Variants in NECTIN4 observed in about 807,000 individuals in gnomAD.
The protein encoded by NECTIN4 is nectin-4.
A neutral mutation model predicts 51.7 loss-of-function variants in NECTIN4; 19 were observed. That is an observed-to-expected ratio of 0.37 (90% CI 0.26 to 0.54). The LOEUF (loss-of-function observed/expected upper bound fraction) is 0.54, where lower values mean the gene tolerates loss of function less well. Ranked by LOEUF, NECTIN4 falls within the 20% of genes least tolerant of loss-of-function variation. The probability of loss-of-function intolerance (pLI) is 0.86; values close to 1 mark genes in which losing one functional copy is unlikely to be tolerated. For missense variants in NECTIN4, 619 were observed against 662.4 expected, an observed-to-expected ratio of 0.93 and a Z score of 0.72; for synonymous variants, 283 against 286.9, an observed-to-expected ratio of 0.99 and a Z score of 0.14.
At position 161,072,837 on chromosome 1, in the gene NECTIN4, C is replaced by T; in HGVS notation, c.1357G>A (p.Glu453Lys). The T allele has an allele frequency of 6.2e-7, 1 of 1,614,204 alleles. No individual in the cohort carries two copies. The highest frequency in any genetic ancestry group is 8.5e-7 in the Non-Finnish European group (1 of 1,180,036). The change falls in exon 9 of 9, where the codon GAG becomes AAG. Residue 453 changes from glutamate to lysine, a missense_variant. Glu to Lys is a moderately conservative substitution (Grantham distance 56). Around this residue, in one of 3 missense-constraint regions of NECTIN4, gnomAD observed 364 missense variants for 415.7 expected, o/e 0.88. Coordinates refer to ENST00000368012, the MANE Select transcript of NECTIN4 (RefSeq NM_030916.3). The part of the protein sequence containing the change: ...RSYSTLTTVR[E>K]IETQTELLSP... Reference sequence around the variant, plus strand: ...AGCAGTTCAGTCTGTGTTTCTATCTCCCTCACCGTGGTCAGCGTGGAGTAA... The same window carrying T: ...AGCAGTTCAGTCTGTGTTTCTATCTTCCTCACCGTGGTCAGCGTGGAGTAA...
At position 161,089,160 on chromosome 1, in the gene NECTIN4, G is replaced by T; in HGVS notation, c.79+58C>A. 1 of 1,466,100 alleles carries T rather than the reference G, an allele frequency of 6.8e-7. No individual in the cohort carries two copies. The highest frequency in any genetic ancestry group is 9.6e-7 in the Non-Finnish European group (1 of 1,046,914). The allele number at this position is 1,466,100 out of a possible 1,614,324, so 90.8% of individuals were successfully genotyped here. A position where few individuals can be genotyped will look rare whatever the true frequency, so the allele number is the denominator to read the frequency against. On this transcript the variant is annotated intron_variant, in intron 1 of 8. Transcript: ENST00000368012. The surrounding 1 kb of genome is among the most constrained non-coding windows in gnomAD (Gnocchi z 4.1). ...TGTGTGTCTATGTGTTTGTGCATGT[G>T]TGTCAGTGCCAGGTTGGGCTCAGAA... is the stretch of plus-strand genomic sequence containing the variant.
At chr1:161,076,012 G>C (rs1274445392) in intron 4 of NECTIN4, among the ~76,000 whole-genome samples, 1 of 152,064 alleles carries the variant, frequency 6.6e-6, no homozygotes, top group Non-Finnish European at 1.5e-5. Flanking sequence ...GGAGGCGGAG[G>C]TTTCAGTGAG....
At chr1:161,074,539 G>A (rs1160402354) in intron 5 of NECTIN4, 72 bp downstream of exon 5, 1 of 1,594,094 alleles carries the variant, frequency 6.3e-7, no homozygotes, top group Non-Finnish European at 8.6e-7. Context: ...CACTGTCTCT[G>A]TCTTGCTTCC....
At chr1:161,074,019 T>C (rs1047150443) in intron 6 of NECTIN4, among the ~76,000 whole-genome samples, 198 bp downstream of exon 6, 4 of 152,148 alleles carry the variant, frequency 2.6e-5, no homozygotes, top group Non-Finnish European at 4.4e-5. Flanking sequence ...TGAGCCTCAC[T>C]AAGGTGGAAG....
intron 5 of NECTIN4, 32 bp downstream of exon 5, chr1:161,074,579 T>C (rs1653326466): frequency 1.2e-6 from 2 of 1,613,838 alleles, no homozygotes; most frequent in Non-Finnish European, 1.7e-6. Context: ...TTGGCCCAGG[T>C]CCTTACCAAG....
rs764309804 is a variant in NECTIN4 at position 161,089,367 on chromosome 1, G to C, written c.-71C>G. The C allele has an allele frequency of 2.1e-5, 30 of 1,430,052 alleles. No homozygotes were observed. Among genetic ancestry groups the C allele is most frequent in the Non-Finnish European group, 2.9e-5 (30 of 1,027,924 alleles). 88.6% of individuals were successfully genotyped at this position (1,430,052 alleles called of 1,614,324 possible). A position where few individuals can be genotyped will look rare whatever the true frequency, so the allele number is the denominator to read the frequency against. Reference sequence around the variant, plus strand: ...CTCCCTGGGAGCCGGCTGCAGACTTGAATAAGGAACTGACCCAGAAGGCAG... The same window carrying C: ...CTCCCTGGGAGCCGGCTGCAGACTTCAATAAGGAACTGACCCAGAAGGCAG... On this transcript the variant is annotated 5_prime_UTR_variant, in exon 1 of 9. Transcript: ENST00000368012. The surrounding 1 kb of genome is among the most constrained non-coding windows in gnomAD (Gnocchi z 4.1).
In NECTIN4 at chr1:161,079,836, C is replaced by T; in HGVS notation, c.193G>A (p.Val65Met). The change falls in exon 2 of 9, where the codon GTG becomes ATG. Residue 65 changes from valine (V) to methionine (M), a missense_variant. Val to Met is a conservative substitution (Grantham distance 21, BLOSUM62 1). Around this residue, in one of 3 missense-constraint regions of NECTIN4, gnomAD observed 218 missense variants for 186.3 expected, o/e 1.17. Transcript: ENST00000368012. ...CCCGCGTCCACCCGAGCCCATGCCACTTGCCCCACTTGCTCGCCGGAGTCC... is the reference window on the plus strand; with the variant it reads ...CCCGCGTCCACCCGAGCCCATGCCATTTGCCCCACTTGCTCGCCGGAGTCC... ...RGDSGEQVGQ[V>M]AWARVDAGEG... is the part of the protein sequence containing the mutation. The T allele has an allele frequency of 1.2e-6, 2 of 1,613,904 alleles. No homozygotes were observed. Among genetic ancestry groups the T allele is most frequent in the African/African-American group, 1.3e-5 (1 of 75,076 alleles).
In NECTIN4 at chr1:161,074,738, A is replaced by T; in HGVS notation, c.873T>A (p.Ser291Arg). 1 of 1,613,856 alleles carries T rather than the reference A, an allele frequency of 6.2e-7. No individual in the cohort carries two copies. The highest frequency in any genetic ancestry group is 1.3e-5 in the African/African-American group (1 of 75,042). Reference protein sequence around the residue: ...NWTRLDGPLPSGVRVDGDTLG... With the variant: ...NWTRLDGPLPRGVRVDGDTLG... ...AAGTGTCCCCATCCACTCGTACCCC[A>T]CTGGGCAGAGGCCCATCCAGCCTGG... Residue 291 changes from serine to arginine, a missense_variant, in exon 5 of 9, where the codon AGT becomes AGA. By Grantham distance (110) the Ser-to-Arg change is moderately radical. Coordinates refer to ENST00000368012, the MANE Select transcript of NECTIN4 (RefSeq NM_030916.3).
In NECTIN4 at chr1:161,072,482, G is replaced by T. The variant is rs1166310890; in HGVS notation, c.*179C>A. ...AGTGACCTGCATGCATGGTGGGAGA[G>T]ACTCAATTGGTGGAGCCCTCCCGAT... On this transcript the variant is annotated 3_prime_UTR_variant, in exon 9 of 9. Transcript: ENST00000368012. 1 of 660,028 alleles carries T rather than the reference G, an allele frequency of 1.5e-6. No individual in the cohort carries two copies. The highest frequency in any genetic ancestry group is 2.7e-5 in the East Asian group (1 of 36,718). 40.9% of individuals were successfully genotyped at this position (660,028 alleles called of 1,614,324 possible). A position where few individuals can be genotyped will look rare whatever the true frequency, so the allele number is the denominator to read the frequency against.
In NECTIN4 at chr1:161,077,372, G is replaced by A. The variant is rs140313113; in HGVS notation, c.730+81C>T. ...TCCAGGACCCAGGCTGGCCAGCCTG[G>A]CATGGCTCAGGGACCTGTGGCATCT... On this transcript the variant is annotated intron_variant, in intron 3 of 8. Transcript: ENST00000368012. The A allele has an allele frequency of 5.8e-4, 872 of 1,515,576 alleles. 7 individuals carry two copies. In the East Asian group the frequency reaches 0.013, roughly 23 times the overall value. The allele number at this position is 1,515,576 out of a possible 1,614,324, so 93.9% of individuals were successfully genotyped here.
chr1:161,074,345 C>T lies in NECTIN4; in HGVS notation c.1029G>A (p.Val343=), dbSNP rs1415969431. The change falls in exon 6 of 9, where the codon GTG becomes GTA. Residue 343 remains valine, a synonymous_variant. Coordinates refer to ENST00000368012, the MANE Select transcript of NECTIN4 (RefSeq NM_030916.3). ...LDPQEDSGKQ[V]DLVSASVVVV... ...CCACCACCGAGGCTGACACTAGGTC[C>T]ACCTGCTTCCCAGAGTCTTCCTGGG... is the stretch of plus-strand genomic sequence containing the variant. 1 of 1,614,038 alleles carries T rather than the reference C, an allele frequency of 6.2e-7. No homozygotes were observed. Among genetic ancestry groups the T allele is most frequent in the South Asian group, 1.1e-5 (1 of 91,076 alleles).
At position 161,072,748 on chromosome 1, in the gene NECTIN4, C is replaced by T; in HGVS notation, c.1446G>A (p.Met482Ile). 2 of 1,614,244 alleles carry T rather than the reference C, an allele frequency of 1.2e-6. No homozygotes were observed. The highest frequency in any genetic ancestry group is 1.3e-5 in the African/African-American group (1 of 75,070). The part of the protein sequence containing the change: ...EDQDEGIKQA[M>I]NHFVQENGTL... ...TCCCATTCTCCTGAACAAAATGGTTCATGGCCTGTTTGATGCCTTCATCCT... is the reference window on the plus strand; with the variant it reads ...TCCCATTCTCCTGAACAAAATGGTTTATGGCCTGTTTGATGCCTTCATCCT... The change falls in exon 9 of 9, where the codon ATG becomes ATA. Residue 482 changes from methionine (M) to isoleucine (I), a missense_variant. By Grantham distance (10) the Met-to-Ile change is conservative. Around this residue, in one of 3 missense-constraint regions of NECTIN4, gnomAD observed 364 missense variants for 415.7 expected, o/e 0.88. Coordinates refer to ENST00000368012, the MANE Select transcript of NECTIN4 (RefSeq NM_030916.3).
intron 4 of NECTIN4, among the ~76,000 whole-genome samples, chr1:161,075,691 G>C (rs1168314422): frequency 2.0e-5 from 3 of 152,158 alleles, no homozygotes; most frequent in Non-Finnish European, 4.4e-5. Flanking sequence ...AGAATCTCTT[G>C]AACCTGGCAG....
rs138085255 is a variant in NECTIN4 at position 161,073,046 on chromosome 1, T to G, written c.1309-161A>C. On this transcript the variant is annotated intron_variant, in intron 8 of 8. Coordinates refer to ENST00000368012, the MANE Select transcript of NECTIN4 (RefSeq NM_030916.3). ...AGAGATCGGGGACCAGGAACAAGTG[T>G]TAGGCATGGGGAGAGGGAGACGGGA... Among the ~76,000 whole-genome samples, 1,201 of 152,140 alleles carry G rather than the reference T, an allele frequency of 7.9e-3. 10 individuals are homozygous for G. The highest frequency in any genetic ancestry group is 0.017 in the Admixed American group (256 of 15,296).
At position 161,076,437 on chromosome 1, in the gene NECTIN4, T is replaced by A; in HGVS notation, c.769A>T (p.Asn257Tyr). The A allele has an allele frequency of 6.2e-7, 1 of 1,614,150 alleles. No individual in the cohort carries two copies. The highest frequency in any genetic ancestry group is 2.2e-5 in the East Asian group (1 of 44,886). Residue 257 changes from asparagine (N) to tyrosine (Y), a missense_variant, in exon 4 of 9, where the codon AAT (asparagine) becomes TAT (tyrosine). Transcript: ENST00000368012. ...CCTTCTCTGCCAATGTGCCACAGAT[T>A]TTGGTCTTCAAGGCCCCTCACAGAG... The part of the protein sequence containing the change: ...EASVRGLEDQ[N>Y]LWHIGREGAM...
At chr1:161,080,591 T>G (rs1466838388) in intron 1 of NECTIN4, among the ~76,000 whole-genome samples, 1 of 151,998 alleles carries the variant, frequency 6.6e-6, no homozygotes, top group Non-Finnish European at 1.5e-5. Flanking sequence ...AGGAAAGGCA[T>G]GAACCAAGGC....
rs968229977 is a variant in NECTIN4 at position 161,071,023 on chromosome 1, CAG to C, written c.*1636_*1637del. 2.6e-4 allele frequency: 39 copies of C among 152,270 alleles called. No homozygotes were observed. Among genetic ancestry groups the C allele is most frequent in the African/African-American group, 8.7e-4 (36 of 41,540 alleles). 9.4% of individuals were successfully genotyped at this position (152,270 alleles called of 1,614,324 possible). A position where few individuals can be genotyped will look rare whatever the true frequency, so the allele number is the denominator to read the frequency against. On this transcript the variant is annotated 3_prime_UTR_variant, in exon 9 of 9. Transcript: ENST00000368012. ...CAAGTTTTGTCTGTTTATTTAAAAA[CAG>C]AATATCATTTTATGTACAAATATGC...
Position 161,076,478 on chromosome 1 carries a change from G to A in NECTIN4, c.731-3C>T. 6.2e-7 allele frequency: 1 copy of A among 1,614,010 alleles called. No individual in the cohort carries two copies. ...CCTCACAGAGGCCTCAGCAAGGACT[G>A]GAATGGGAAGTGGGAGGAGAAAGAA... On this transcript the variant is annotated splice_region_variant and splice_polypyrimidine_tract_variant and intron_variant, in intron 3 of 8. Transcript: ENST00000368012.
At chr1:161,073,422 C>G in intron 7 of NECTIN4, 123 bp from the exon 8 acceptor site, 1 of 821,782 alleles carries the variant, frequency 1.2e-6, no homozygotes, top group East Asian at 2.6e-5. Flanking sequence ...CAGGTCCATT[C>G]TCTCCTGGAA....
Sources: allele counts gnomAD v4.1 joint callset (sites outside exome capture counted in the v4.1 genomes callset), GRCh38; gene constraint gnomAD v4.1.1; regional missense constraint gnomAD v4.1.1; non-coding constraint Gnocchi (gnomAD v3.1); transcripts MANE v1.5; gene names NCBI Gene and HGNC (gene_info 2026-07-23, HGNC 2026-07-21).